Variants in ENOSF1 observed in about 807,000 individuals in gnomAD.
The protein encoded by ENOSF1 is mitochondrial enolase superfamily member 1.
In ENOSF1, 73 loss-of-function variants were observed where a neutral mutation model predicts 68.2. The observed-to-expected ratio is 1.07, with a 90% CI of 0.89 to 1.30. The LOEUF (loss-of-function observed/expected upper bound fraction) is 1.30. Ranked by LOEUF, ENOSF1 falls within the 50% of genes most tolerant of loss-of-function variation. The pLI is 0.00. For missense variants in ENOSF1, 589 were observed against 554.5 expected, an observed-to-expected ratio of 1.06 and a Z score of -0.62; for synonymous variants, 223 against 210.4, an observed-to-expected ratio of 1.06 and a Z score of -0.52.
In ENOSF1 at chr18:681,002, C is replaced by T. The variant is rs572727305; in HGVS notation, c.876+2244G>A. On this transcript the variant is annotated intron_variant, in intron 11 of 15. Coordinates refer to ENST00000647584, the MANE Select transcript of ENOSF1 (RefSeq NM_017512.7). ...GCTGGGACTATAGGTGGGCGGATCA[C>T]GAGGTCAGAAGATCGAGACCAGCTA... is the stretch of plus-strand genomic sequence containing the variant. Among the ~76,000 whole-genome samples the T allele has an allele frequency of 1.6e-4, 24 of 152,172 alleles. No homozygotes were observed. In the South Asian group the frequency reaches 4.2e-3, roughly 26 times the overall value.
intron 9 of ENOSF1, chr18:686,739 G>C (rs755810159): frequency 1.3e-5 from 2 of 152,276 alleles, no homozygotes; most frequent in Non-Finnish European, 2.9e-5. Context: ...ACACCACCAC[G>C]GGGAGGCCAG....
intron 11 of ENOSF1, among the ~76,000 whole-genome samples, chr18:682,272 T>C (rs757271294): frequency 3.2e-4 from 49 of 152,172 alleles, no homozygotes; most frequent in Non-Finnish European, 6.6e-4. Flanking sequence ...CCCTAGGCTA[T>C]ATGGCATGGC....
At chr18:692,760 A>G (rs1441711241) in intron 5 of ENOSF1, 4 of 997,328 alleles carry the variant, frequency 4.0e-6, no homozygotes, top group African/African-American at 1.7e-5. Context: ...CATCCCCGTA[A>G]AACGCCAACC....
Position 674,535 on chromosome 18 carries a change from T to TC in ENOSF1, c.1231-130_1231-129insG, listed in dbSNP as rs113791205. On this transcript the variant is annotated intron_variant, in intron 15 of 15. Coordinates refer to ENST00000647584, the MANE Select transcript of ENOSF1 (RefSeq NM_017512.7). ...AGGCAATTAATTAATTTTTTTTTTTTTGACATGGAGTCACTGTCCGTTGCC... is the reference window on the plus strand; with the variant it reads ...AGGCAATTAATTAATTTTTTTTTTTTCTGACATGGAGTCACTGTCCGTTGCC... 4,599 of 554,734 alleles carry TC rather than the reference T, an allele frequency of 8.3e-3. 3 individuals carry two copies. The highest frequency in any genetic ancestry group is 0.017 in the East Asian group (496 of 28,376). 34.4% of individuals were successfully genotyped at this position (554,734 alleles called of 1,614,324 possible).
At chr18:706,018 TAC>T (rs1309829415) in intron 2 of ENOSF1, among the ~76,000 whole-genome samples, 4 of 151,786 alleles carry the variant, frequency 2.6e-5, no homozygotes, top group Non-Finnish European at 5.9e-5. Flanking sequence ...CAAAAATATA[TAC>T]ATATATATAT....
chr18:706,756 A>G, intron 1 of ENOSF1, 178 bp from the exon 2 acceptor site: 1 of 452,438 alleles, frequency 2.2e-6, no homozygotes. Flanking sequence ...GAGAAAAGGA[A>G]TGTCCTCCTG....
chr18:683,834 CAAT>C (rs1045792912), intron 10 of ENOSF1, among the ~76,000 whole-genome samples: 3 of 152,056 alleles, frequency 2.0e-5, no homozygotes, highest in Admixed American at 6.6e-5. Context: ...GTGTCTGGCA[CAAT>C]AATAAGTAGC....
chr18:698,285 G>C (rs554118717), intron 2 of ENOSF1, among the ~76,000 whole-genome samples: 2 of 152,294 alleles, frequency 1.3e-5, no homozygotes, highest in African/African-American at 4.8e-5. Context: ...TAAAGTGTTT[G>C]AACAATCAGA....
rs71174268 is a variant in ENOSF1, at chr18:679,208, CTTT to C, written c.877-474_877-472del. On this transcript the variant is annotated intron_variant, in intron 11 of 15. Transcript: ENST00000647584. Reference sequence around the variant, plus strand: ...ACCTCCTTCTAGAACCCTCTCATATCTTTTTTTTTTTTTTTTTTTGAGACCGAG... The same window carrying C: ...ACCTCCTTCTAGAACCCTCTCATATCTTTTTTTTTTTTTTTTGAGACCGAG... 2.4e-3 allele frequency among the ~76,000 whole-genome samples: 301 copies of C among 123,744 alleles called. 2 individuals carry two copies. The highest frequency in any genetic ancestry group is 0.021 in the Middle Eastern group (5 of 234). The allele number at this position is 123,744 out of a possible 152,430, so 81.2% of individuals were successfully genotyped here. A position where few individuals can be genotyped will look rare whatever the true frequency, so the allele number is the denominator to read the frequency against.
Position 704,935 on chromosome 18 carries a change from G to A in ENOSF1, c.193+1535C>T, listed in dbSNP as rs141517662. On this transcript the variant is annotated intron_variant, in intron 2 of 15. Coordinates refer to ENST00000647584, the MANE Select transcript of ENOSF1 (RefSeq NM_017512.7). ...TTTCTCTTTTTAAAATTACTTTGGT[G>A]CCTGATACATGGCAGCACTCAGAAG... Among the ~76,000 whole-genome samples, 551 of 128,758 alleles carry A rather than the reference G, an allele frequency of 4.3e-3. 5 individuals are homozygous for A. The highest frequency in any genetic ancestry group is 0.017 in the African/African-American group (520 of 31,092). The allele number at this position is 128,758 out of a possible 152,430, so 84.5% of individuals were successfully genotyped here.
intron 5 of ENOSF1, chr18:692,619 G>T: frequency 2.4e-5 from 18 of 756,154 alleles, no homozygotes; most frequent in Non-Finnish European, 2.7e-5. Context: ...AAGAAAGAAA[G>T]AAAAAAAGAA....
chr18:673,101 A>G lies in ENOSF1; in HGVS notation c.*1204T>C. The G allele has an allele frequency of 7.9e-7, 1 of 1,273,388 alleles. No individual in the cohort carries two copies. 78.9% of individuals were successfully genotyped at this position (1,273,388 alleles called of 1,614,324 possible). On this transcript the variant is annotated 3_prime_UTR_variant, in exon 16 of 16. Coordinates refer to ENST00000647584, the MANE Select transcript of ENOSF1 (RefSeq NM_017512.7). ...TCTAAAAGAAAAAGGAACTAGGTCAAAAATCTGTCCGTGACCTATCAGTTA... is the reference window on the plus strand; with the variant it reads ...TCTAAAAGAAAAAGGAACTAGGTCAGAAATCTGTCCGTGACCTATCAGTTA...
chr18:690,850 T>C, intron 7 of ENOSF1: 1 of 1,401,770 alleles, frequency 7.1e-7, no homozygotes, highest in Admixed American at 2.7e-5. Context: ...TACAGTGTAA[T>C]CCTAAAGCCA....
At chr18:678,611 C>T (rs565891469) in intron 12 of ENOSF1, 85 bp downstream of exon 12, 1 of 1,360,270 alleles carries the variant, frequency 7.4e-7, no homozygotes, top group East Asian at 2.3e-5. Context: ...GTGATGGAGC[C>T]TAACACACAA....
Position 671,186 on chromosome 18 carries a change from T to C in ENOSF1, c.*3119A>G, listed in dbSNP as rs910356509. The C allele has an allele frequency of 6.5e-6, 4 of 614,130 alleles. No homozygotes were observed. The highest frequency in any genetic ancestry group is 1.1e-5 in the Non-Finnish European group (4 of 349,876). 38.0% of individuals were successfully genotyped at this position (614,130 alleles called of 1,614,324 possible). ...CTTTGGGAGACTGAGACAGGAGCAA[T>C]TGCTTGAGGTCTGGAGTTCAATACC... On this transcript the variant is annotated 3_prime_UTR_variant, in exon 16 of 16. Coordinates refer to ENST00000647584, the MANE Select transcript of ENOSF1 (RefSeq NM_017512.7).
chr18:667,161 A>AGATGGT (rs1318850948), downstream of ENOSF1, among the ~76,000 whole-genome samples: 12 of 38,520 alleles, frequency 3.1e-4, no homozygotes, highest in Non-Finnish European at 5.0e-4. Context: ...ATGGTGATGG[A>AGATGGT]GATGGTGATG....
rs58489074 is a variant in ENOSF1, at chr18:671,785, C to CTTT, written c.*2517_*2519dup. ...TTGAAGTGCAAATGTTTTTCCTTTT[C>CTTT]TTTTTTTTTTGAGATGGAGTCTTTC... On this transcript the variant is annotated 3_prime_UTR_variant, in exon 16 of 16. Transcript: ENST00000647584. 11 of 245,534 alleles carry CTTT rather than the reference C, an allele frequency of 4.5e-5. No individual in the cohort carries two copies. The highest frequency in any genetic ancestry group is 1.2e-4 in the African/African-American group (5 of 41,962). 15.2% of individuals were successfully genotyped at this position (245,534 alleles called of 1,614,324 possible).
In ENOSF1 at chr18:672,985, A is replaced by G; in HGVS notation, c.*1320T>C. ...ATCCGCATCCAACTATTAAAATGGAAATGGCTGTTTAGGGTGCTTTCAAAG... is the reference window on the plus strand; with the variant it reads ...ATCCGCATCCAACTATTAAAATGGAGATGGCTGTTTAGGGTGCTTTCAAAG... On this transcript the variant is annotated 3_prime_UTR_variant, in exon 16 of 16. Transcript: ENST00000647584. The G allele has an allele frequency of 3.2e-6, 5 of 1,568,452 alleles. No homozygotes were observed. The highest frequency in any genetic ancestry group is 4.4e-6 in the Non-Finnish European group (5 of 1,145,242).
downstream of ENOSF1, chr18:669,255 G>A (rs2074931256): frequency 8.2e-7 from 1 of 1,213,916 alleles, no homozygotes. Context: ...AGGCACCTGA[G>A]GGAGGCAGGA....
Sources: allele counts gnomAD v4.1 joint callset (sites outside exome capture counted in the v4.1 genomes callset), GRCh38; gene constraint gnomAD v4.1.1; transcripts MANE v1.5; gene names NCBI Gene and HGNC (gene_info 2026-07-23, HGNC 2026-07-21).